Variants in ESRRG observed in about 807,000 individuals in gnomAD.
The protein encoded by ESRRG is estrogen related receptor gamma, also known as estrogen-related receptor gamma.
In ESRRG, 13 loss-of-function variants were observed where a neutral mutation model predicts 44.0. That is an observed-to-expected ratio of 0.30 (90% CI 0.19 to 0.47). The LOEUF (loss-of-function observed/expected upper bound fraction) is 0.47. Among genes scored for constraint, ESRRG ranks in the 20% least tolerant of loss-of-function variants. ESRRG has a pLI of 1.00. For synonymous variants in ESRRG, 215 were observed against 214.6 expected (o/e 1.00, Z -0.02); for missense variants, 395 against 580.6 (o/e 0.68, Z 3.29).
At chr1:216,803,875 G>A (rs879461062) in intron 2 of ESRRG, among the ~76,000 whole-genome samples, 8 of 151,734 alleles carry the variant, frequency 5.3e-5, no homozygotes, top group African/African-American at 9.7e-5. Flanking sequence ...ATTCCACATC[G>A]TTTTGTTTTG....
At chr1:216,711,217 C>A (rs1311088843) in intron 1 of ESRRG, among the ~76,000 whole-genome samples, 1 of 152,114 alleles carries the variant, frequency 6.6e-6, no homozygotes, top group Non-Finnish European at 1.5e-5. Context: ...ATAGGAGCTG[C>A]ACATCTGGGG....
At chr1:216,831,190 G>T (rs1017002533) in intron 2 of ESRRG, among the ~76,000 whole-genome samples, 1 of 151,942 alleles carries the variant, frequency 6.6e-6, no homozygotes, top group Non-Finnish European at 1.5e-5. Flanking sequence ...TACGTGTCTG[G>T]TGCATATTTT....
At chr1:216,650,752 C>T (rs912072625) in intron 3 of ESRRG, among the ~76,000 whole-genome samples, 36 of 152,110 alleles carry the variant, frequency 2.4e-4, no homozygotes, top group Admixed American at 1.8e-3. Flanking sequence ...TGGTGTGTTT[C>T]GCTGTACATC....
chr1:216,733,689 G>A (rs1047819420), intron 2 of ESRRG, among the ~76,000 whole-genome samples: 3 of 151,846 alleles, frequency 2.0e-5, no homozygotes, highest in Non-Finnish European at 4.4e-5. Context: ...ACAATCCACA[G>A]GGTAGATAAA....
intron 3 of ESRRG, among the ~76,000 whole-genome samples, chr1:216,608,265 G>A (rs773975140): frequency 6.6e-6 from 1 of 152,048 alleles, no homozygotes; most frequent in Non-Finnish European, 1.5e-5. Context: ...TATTGCTTTT[G>A]TCATGACTGT....
In ESRRG at chr1:216,505,478, G is replaced by T. The variant is rs2041041712; in HGVS notation, c.*1461C>A. On this transcript the variant is annotated 3_prime_UTR_variant, in exon 7 of 7. Coordinates refer to ENST00000408911, the MANE Select transcript of ESRRG (RefSeq NM_001438.4). ...ATTTTTTTTTTTAATTCTGGCATTT[G>T]CCTTATTGCCTCTTAAATGAATACT... 1 of 152,136 alleles carries T rather than the reference G, an allele frequency of 6.6e-6. No individual in the cohort carries two copies. The highest frequency in any genetic ancestry group is 1.5e-5 in the Non-Finnish European group (1 of 67,968). The allele number at this position is 152,136 out of a possible 1,614,324, so 9.4% of individuals were successfully genotyped here.
intron 2 of ESRRG, among the ~76,000 whole-genome samples, chr1:216,806,885 C>T (rs1265426382): frequency 2.0e-5 from 3 of 152,226 alleles, no homozygotes; most frequent in East Asian, 3.9e-4. Context: ...ATGTTATTGC[C>T]TTTACCTCAA....
At chr1:216,849,339 G>A (rs1235836185) in intron 2 of ESRRG, among the ~76,000 whole-genome samples, 1 of 152,102 alleles carries the variant, frequency 6.6e-6, no homozygotes, top group Non-Finnish European at 1.5e-5. Context: ...TGACTCCAGA[G>A]TCTGGGGCTT....
At chr1:217,100,284 A>G (rs138429785) in intron 1 of ESRRG, among the ~76,000 whole-genome samples, 22 of 152,356 alleles carry the variant, frequency 1.4e-4, no homozygotes, top group African/African-American at 5.3e-4. Flanking sequence ...TGGTCAATAT[A>G]GTCAAGATAT....
At chr1:217,109,258 T>C (rs2092634399) in intron 1 of ESRRG, among the ~76,000 whole-genome samples, 1 of 152,100 alleles carries the variant, frequency 6.6e-6, no homozygotes, top group African/African-American at 2.4e-5. Flanking sequence ...TAGAATGGAA[T>C]GGGAATAGAA....
chr1:216,966,889 G>A (rs1201796427), intron 1 of ESRRG, among the ~76,000 whole-genome samples: 1 of 152,084 alleles, frequency 6.6e-6, no homozygotes, highest in African/African-American at 2.4e-5. Context: ...ATACAAAAGC[G>A]AAAAGGATGG....
rs147025989 is a variant in ESRRG at position 216,917,339 on chromosome 1, A to G, written c.-14+22243T>C. On this transcript the variant is annotated intron_variant, in intron 2 of 7. Transcript: ENST00000359162. ...GAGTAGTGACTATACGAGTGTGAGTATAAAAGACATGGTTCACTGTGAGCA... is the reference window on the plus strand; with the variant it reads ...GAGTAGTGACTATACGAGTGTGAGTGTAAAAGACATGGTTCACTGTGAGCA... Among the ~76,000 whole-genome samples the G allele has an allele frequency of 2.7e-3, 408 of 152,220 alleles. 3 individuals are homozygous for G. Among genetic ancestry groups the G allele is most frequent in the African/African-American group, 9.3e-3 (385 of 41,548 alleles).
intron 2 of ESRRG, among the ~76,000 whole-genome samples, chr1:216,819,175 A>G (rs768619582): frequency 1.3e-5 from 2 of 152,152 alleles, no homozygotes; most frequent in Non-Finnish European, 2.9e-5. Context: ...GTCTTCCACA[A>G]TGGTTGAACT....
intron 1 of ESRRG, among the ~76,000 whole-genome samples, chr1:217,135,560 G>A (rs542359753): frequency 1.3e-5 from 2 of 151,676 alleles, no homozygotes; most frequent in East Asian, 2.0e-4. Flanking sequence ...TGGCGGCGGC[G>A]GCGGCAGGGC....
chr1:217,132,630 C>T (rs781737730), intron 1 of ESRRG, among the ~76,000 whole-genome samples: 2 of 152,040 alleles, frequency 1.3e-5, no homozygotes, highest in Admixed American at 6.5e-5. Flanking sequence ...GATCTAAGGT[C>T]GGTCGTCTAA....
chr1:216,714,399 A>C (rs74767900), intron 1 of ESRRG: 2,709 of 155,302 alleles, frequency 0.017, 67 homozygotes, highest in African/African-American at 0.062. Flanking sequence ...GGTGTTTAGG[A>C]AAGTGTTTTA....
intron 1 of ESRRG, among the ~76,000 whole-genome samples, chr1:217,085,808 A>G (rs1340169112): frequency 6.6e-6 from 1 of 151,384 alleles, no homozygotes; most frequent in East Asian, 1.9e-4. Flanking sequence ...AGATCTTTAA[A>G]CTCTCCTACA....
rs115474451 is a variant in ESRRG at position 216,958,016 on chromosome 1, T to C, written c.-105-18343A>G. ...GTTTTGCTTGTTTCAGAAGGTCACA[T>C]GAATGGAAACGTATAGTACGCACCA... On this transcript the variant is annotated intron_variant, in intron 1 of 7. Transcript: ENST00000359162. 7.9e-3 allele frequency among the ~76,000 whole-genome samples: 675 copies of C among 85,632 alleles called. 9 individuals carry two copies. Among genetic ancestry groups the C allele is most frequent in the African/African-American group, 0.019 (643 of 33,816 alleles). The allele number at this position is 85,632 out of a possible 152,430, so 56.2% of individuals were successfully genotyped here. A position where few individuals can be genotyped will look rare whatever the true frequency, so the allele number is the denominator to read the frequency against.
At chr1:216,562,624 A>C (rs1459820202) in intron 5 of ESRRG, among the ~76,000 whole-genome samples, 1 of 152,088 alleles carries the variant, frequency 6.6e-6, no homozygotes, top group Non-Finnish European at 1.5e-5. Context: ...AACCTCCTAC[A>C]ATGAACAAGG....
Sources: gnomAD v4.1 joint callset for allele counts (sites outside exome capture counted in the v4.1 genomes callset) on GRCh38, gnomAD v4.1.1 for gene constraint, MANE v1.5 for transcripts, NCBI Gene and HGNC (gene_info 2026-07-23, HGNC 2026-07-21) for gene names.